The following GABPA variants were observed in gnomAD, a reference collection of about 807,000 sequenced individuals.
GABPA encodes the protein GA-binding protein alpha chain.
A neutral mutation model predicts 59.4 loss-of-function variants in GABPA; 4 were observed. The observed-to-expected ratio is 0.07, with a 90% CI of 0.03 to 0.15. The LOEUF is 0.15. GABPA is among the 10% of genes least tolerant of loss of function. GABPA has a pLI of 1.00. For synonymous variants in GABPA, 164 were observed against 183.1 expected (o/e 0.90, Z 0.84); for missense variants, 251 against 543.8 (o/e 0.46, Z 5.36).
chr21:25,755,432 TAAAAAAAAAAAA>T (rs968729001), intron 5 of GABPA, among the ~76,000 whole-genome samples: 1 of 85,788 alleles, frequency 1.2e-5, no homozygotes, highest in Non-Finnish European at 2.5e-5. Context: ...CAAGACTGTC[TAAAAAAAAAAAA>T]AAAAAAAAAG....
chr21:25,745,834 A>G (rs1446908417), intron 3 of GABPA, among the ~76,000 whole-genome samples: 1 of 152,166 alleles, frequency 6.6e-6, no homozygotes, highest in African/African-American at 2.4e-5. Context: ...AAAGGATTTT[A>G]CCCATGGTAG....
At chr21:25,768,899 C>T (rs943242671) in intron 9 of GABPA, 105 bp from the exon 10 acceptor site, 8 of 672,892 alleles carry the variant, frequency 1.2e-5, no homozygotes, top group South Asian at 1.9e-5. Context: ...GCTATTGTGG[C>T]GGATGCAGTA....
intron 2 of GABPA, among the ~76,000 whole-genome samples, chr21:25,744,436 AT>A (rs1253456408): frequency 6.6e-6 from 1 of 152,216 alleles, no homozygotes; most frequent in African/African-American, 2.4e-5. Context: ...AACTTGACAG[AT>A]TTTTAATGCA....
chr21:25,769,283 A>G lies in GABPA; in HGVS notation c.*51A>G, dbSNP rs762411711. The G allele has an allele frequency of 2.3e-5, 22 of 977,088 alleles. No homozygotes were observed. In the South Asian group the frequency reaches 3.0e-4, roughly 13 times the overall value. 60.5% of individuals were successfully genotyped at this position (977,088 alleles called of 1,614,324 possible). ...AGTCTTTCTTAAAATGTTTAGAGCA[A>G]GTATAGCTCTTACCTTTATTACTGA... is the stretch of plus-strand genomic sequence containing the variant. On this transcript the variant is annotated 3_prime_UTR_variant, in exon 10 of 10. Coordinates refer to ENST00000400075, the MANE Select transcript of GABPA (RefSeq NM_002040.4).
intron 2 of GABPA, among the ~76,000 whole-genome samples, chr21:25,742,859 C>T (rs2035259232): frequency 1.3e-5 from 2 of 151,396 alleles, no homozygotes; most frequent in Non-Finnish European, 2.9e-5. Context: ...GAGTTCAAGG[C>T]TGCAGTGAGC....
intron 2 of GABPA, among the ~76,000 whole-genome samples, chr21:25,744,465 A>T (rs1225274227): frequency 6.6e-6 from 1 of 152,246 alleles, no homozygotes; most frequent in Non-Finnish European, 1.5e-5. Flanking sequence ...TTTGACAATC[A>T]CAAATAAGAT....
At chr21:25,735,680 G>A (rs2035025606) in intron 1 of GABPA, 102 bp downstream of exon 1, 1 of 143,630 alleles carries the variant, frequency 7.0e-6, no homozygotes, top group Non-Finnish European at 1.5e-5. Flanking sequence ...CCGCCTCTGT[G>A]TTTTGTTTCC....
intron 1 of GABPA, among the ~76,000 whole-genome samples, chr21:25,739,171 T>C (rs757563186): frequency 2.0e-5 from 3 of 152,184 alleles, no homozygotes; most frequent in Non-Finnish European, 4.4e-5. Flanking sequence ...TGGGAAAAAT[T>C]AGATCATTTT....
Position 25,745,224 on chromosome 21 carries a change from C to G in GABPA, c.92C>G (p.Thr31Ser). 1 of 1,613,204 alleles carries G rather than the reference C, an allele frequency of 6.2e-7. No homozygotes were observed. The highest frequency in any genetic ancestry group is 1.8e-4 in the Middle Eastern group (1 of 5,670). ...TTAACATTTAGCATTGTAGAACAAACCTACGCGCCAGCTGAATGTGTAAGC... is the reference window on the plus strand; with the variant it reads ...TTAACATTTAGCATTGTAGAACAAAGCTACGCGCCAGCTGAATGTGTAAGC... Reference protein sequence around the residue: ...ECTEESIVEQTYAPAECVSQA... With the variant: ...ECTEESIVEQSYAPAECVSQA... The change falls in exon 3 of 10, where the codon ACC becomes AGC. Residue 31 changes from threonine to serine, a missense_variant. Around this residue, in one of 4 missense-constraint regions of GABPA, gnomAD observed 207 missense variants for 366.7 expected, o/e 0.56. Coordinates refer to ENST00000400075, the MANE Select transcript of GABPA (RefSeq NM_002040.4).
chr21:25,765,866 A>G (rs2035878952), intron 9 of GABPA, among the ~76,000 whole-genome samples: 1 of 151,982 alleles, frequency 6.6e-6, no homozygotes, highest in Admixed American at 6.6e-5. Flanking sequence ...GATTGATCTA[A>G]GTTTCAGTGC....
At chr21:25,748,755 T>A (rs1459971261) in intron 3 of GABPA, among the ~76,000 whole-genome samples, 1 of 152,220 alleles carries the variant, frequency 6.6e-6, no homozygotes, top group Non-Finnish European at 1.5e-5. Flanking sequence ...ATAATTGCCT[T>A]TTGGAATTAT....
intron 1 of GABPA, among the ~76,000 whole-genome samples, chr21:25,737,064 A>G (rs2035090154): frequency 6.6e-6 from 1 of 152,214 alleles, no homozygotes; most frequent in Non-Finnish European, 1.5e-5. Context: ...TGTTACACCT[A>G]TCTGTATTTT....
At chr21:25,749,875 G>T (rs916810763) in intron 4 of GABPA, among the ~76,000 whole-genome samples, 1 of 152,198 alleles carries the variant, frequency 6.6e-6, no homozygotes, top group African/African-American at 2.4e-5. Flanking sequence ...TGCCTCAATG[G>T]TCCCCAACCT....
intron 5 of GABPA, among the ~76,000 whole-genome samples, chr21:25,753,828 T>C (rs1393510569): frequency 6.6e-6 from 1 of 152,182 alleles, no homozygotes; most frequent in Non-Finnish European, 1.5e-5. Context: ...CCTTTTTTTA[T>C]TTTTTATTTT....
At chr21:25,749,545 A>G (rs2035454041) in intron 4 of GABPA, among the ~76,000 whole-genome samples, 1 of 152,170 alleles carries the variant, frequency 6.6e-6, no homozygotes, top group South Asian at 2.1e-4. Flanking sequence ...AAAAAAATAG[A>G]TGTCTGCTGG....
intron 6 of GABPA, among the ~76,000 whole-genome samples, chr21:25,759,938 TTC>T (rs1233964062): frequency 6.6e-5 from 10 of 152,234 alleles, no homozygotes; most frequent in Admixed American, 6.5e-4. Context: ...CTCTTTCTGG[TTC>T]TCTTATTGCT....
At position 25,771,610 on chromosome 21, in the gene GABPA, CAT is replaced by C. The variant is rs1021285064; in HGVS notation, c.*2379_*2380del. ...GTTTTTTTCTTCTATTAAAATATAA[CAT>C]TGTGAAAGAAAATAAAATTTATGCT... On this transcript the variant is annotated 3_prime_UTR_variant, in exon 10 of 10. Transcript: ENST00000400075. The C allele has an allele frequency of 2.6e-5, 4 of 151,716 alleles. No homozygotes were observed. Among genetic ancestry groups the C allele is most frequent in the African/African-American group, 4.8e-5 (2 of 41,352 alleles). 9.4% of individuals were successfully genotyped at this position (151,716 alleles called of 1,614,324 possible).
chr21:25,765,290 C>T (rs1215529983), intron 9 of GABPA, among the ~76,000 whole-genome samples: 2 of 151,948 alleles, frequency 1.3e-5, no homozygotes, highest in South Asian at 4.1e-4. Flanking sequence ...TCAACAGGTA[C>T]ATTTAAGTAT....
intron 1 of GABPA, among the ~76,000 whole-genome samples, chr21:25,737,827 G>A (rs926664937): frequency 1.3e-5 from 2 of 152,126 alleles, no homozygotes; most frequent in Admixed American, 6.5e-5. Flanking sequence ...CTATAAACCT[G>A]ATTCTCACTT....
Sources: gnomAD v4.1 joint callset for allele counts (sites outside exome capture counted in the v4.1 genomes callset) on GRCh38, gnomAD v4.1.1 for gene constraint, gnomAD v4.1.1 regional missense constraint, MANE v1.5 for transcripts, NCBI Gene and HGNC (gene_info 2026-07-23, HGNC 2026-07-21) for gene names.